LIPG: variants seen among roughly 807,000 people sequenced by gnomAD.
LIPG encodes the protein endothelial lipase.
Under a neutral mutation model 51.8 loss-of-function variants are expected in LIPG, and 34 were observed. The observed-to-expected ratio is 0.66, with a 90% CI of 0.50 to 0.87. LIPG has a LOEUF of 0.87. Among genes scored for constraint, LIPG ranks in the 40% least tolerant of loss-of-function variants. The pLI is 0.00. For missense variants in LIPG, 580 were observed against 652.7 expected (o/e 0.89, Z 1.21); for synonymous variants, 246 against 246.1 (o/e 1.00, Z 0.00).
At position 49,581,494 on chromosome 18, in the gene LIPG, G is replaced by T; in HGVS notation, c.873G>T (p.Pro291=). Residue 291 remains proline (P), a synonymous_variant, in exon 6 of 10, where the codon CCG becomes CCT. Coordinates refer to ENST00000261292, the MANE Select transcript of LIPG (RefSeq NM_006033.4). ...ACTCTCTGGTGAATCAGGACAAGCC[G>T]AGTTTTGCCTTCCAGTGCACTGACT... is the stretch of plus-strand genomic sequence containing the variant. ...FVDSLVNQDK[P]SFAFQCTDSN... 1 of 1,614,184 alleles carries T rather than the reference G, an allele frequency of 6.2e-7. No homozygotes were observed. The highest frequency in any genetic ancestry group is 8.5e-7 in the Non-Finnish European group (1 of 1,180,038).
At chr18:49,565,893 G>A (rs1168355472) in intron 2 of LIPG, among the ~76,000 whole-genome samples, 1 of 152,194 alleles carries the variant, frequency 6.6e-6, no homozygotes, top group Non-Finnish European at 1.5e-5. Flanking sequence ...GTAGCCAGCT[G>A]GCCTGGATTG....
chr18:49,588,923 G>A (rs1047436043), intron 9 of LIPG, among the ~76,000 whole-genome samples: 1 of 152,072 alleles, frequency 6.6e-6, no homozygotes, highest in Non-Finnish European at 1.5e-5. Context: ...CTGCACCCAG[G>A]GACTTACATA....
At chr18:49,561,526 G>C (rs992852100), upstream of LIPG, 1 of 478,064 alleles carries the variant, frequency 2.1e-6, no homozygotes, top group East Asian at 3.5e-5. Flanking sequence ...GTTATTGTGC[G>C]GCCGCGCCTT....
chr18:49,570,596 C>T (rs934353541), intron 4 of LIPG, among the ~76,000 whole-genome samples: 2 of 152,174 alleles, frequency 1.3e-5, no homozygotes, highest in African/African-American at 4.8e-5. Context: ...TTTGGGAGGC[C>T]GAGGTGGGTG....
Position 49,579,764 on chromosome 18 carries a change from C to CTTTCCTTTCT in LIPG, c.794-1647_794-1646insCTTTCTTTTC, listed in dbSNP as rs1194564576. On this transcript the variant is annotated intron_variant, in intron 5 of 9. Transcript: ENST00000261292. ...CCTTTCTTTCCTTTCCTTTCCTTTC[C>CTTTCCTTTCT]TTTCTTTTCTTTTCTTTTCTTTTCT... Among the ~76,000 whole-genome samples, 309 of 112,192 alleles carry CTTTCCTTTCT rather than the reference C, an allele frequency of 2.8e-3. 1 individual carries two copies. The highest frequency in any genetic ancestry group is 7.2e-3 in the East Asian group (30 of 4,178). 73.6% of individuals were successfully genotyped at this position (112,192 alleles called of 152,430 possible). A position where few individuals can be genotyped will look rare whatever the true frequency, so the allele number is the denominator to read the frequency against.
chr18:49,584,648 G>T (rs2084863568), intron 8 of LIPG, among the ~76,000 whole-genome samples: 2 of 152,148 alleles, frequency 1.3e-5, no homozygotes, highest in Admixed American at 6.5e-5. Flanking sequence ...ACACAGCTTG[G>T]CAGCAGAGGG....
Position 49,581,408 on chromosome 18 carries a change from C to A in LIPG, c.794-7C>A. On this transcript the variant is annotated splice_region_variant and splice_polypyrimidine_tract_variant and intron_variant, in intron 5 of 9. Transcript: ENST00000261292. ...TCCTGCATGCTTTTTATCTCTCCCA[C>A]CCCCAGCAATCACAGAGGTGGTAAA... The A allele has an allele frequency of 6.2e-7, 1 of 1,614,194 alleles. No individual in the cohort carries two copies. The highest frequency in any genetic ancestry group is 8.5e-7 in the Non-Finnish European group (1 of 1,180,034).
At chr18:49,583,496 C>A in intron 7 of LIPG, 60 bp from the exon 8 acceptor site, 1 of 1,440,916 alleles carries the variant, frequency 6.9e-7, no homozygotes, top group South Asian at 1.1e-5. Flanking sequence ...TGTCACCCCA[C>A]ACAGTGTGGC....
intron 4 of LIPG, among the ~76,000 whole-genome samples, chr18:49,570,827 TC>T (rs2084653969): frequency 6.6e-6 from 1 of 152,208 alleles, no homozygotes; most frequent in African/African-American, 2.4e-5. Context: ...AGACTCCGTC[TC>T]AAAAAACAAA....
chr18:49,594,549 G>C lies in LIPG; in HGVS notation c.*4027G>C. On this transcript the variant is annotated 3_prime_UTR_variant, in exon 10 of 10. Transcript: ENST00000261292. ...CTTGCCATCCGTTTATCAGGAATTA[G>C]TTTTTTCTCTGCTAAAGCCAGCGAG... 6.6e-6 allele frequency: 1 copy of C among 152,312 alleles called. No individual in the cohort carries two copies. Among genetic ancestry groups the C allele is most frequent in the Middle Eastern group, 3.4e-3 (1 of 294 alleles). The allele number at this position is 152,312 out of a possible 1,614,324, so 9.4% of individuals were successfully genotyped here. A position where few individuals can be genotyped will look rare whatever the true frequency, so the allele number is the denominator to read the frequency against.
Position 49,590,173 on chromosome 18 carries a change from TTGTGTGTGTGTG to T in LIPG, c.1482-304_1482-293del, listed in dbSNP as rs57137391. The T allele has an allele frequency of 1.6e-4, 58 of 371,966 alleles. No homozygotes were observed. In the Middle Eastern group the frequency reaches 3.4e-3, roughly 22 times the overall value. 23.0% of individuals were successfully genotyped at this position (371,966 alleles called of 1,614,324 possible). A position where few individuals can be genotyped will look rare whatever the true frequency, so the allele number is the denominator to read the frequency against. On this transcript the variant is annotated intron_variant, in intron 9 of 9. Coordinates refer to ENST00000261292, the MANE Select transcript of LIPG (RefSeq NM_006033.4). Reference sequence around the variant, plus strand: ...TCTCCCCACACTTGTGTGTCCATGATTGTGTGTGTGTGTGTGTGTGTGTGTGTGTGTGTGTAT... The same window carrying T: ...TCTCCCCACACTTGTGTGTCCATGATTGTGTGTGTGTGTGTGTGTGTGTAT...
intron 9 of LIPG, chr18:49,590,083 C>G (rs35844272): frequency 3.1e-5 from 10 of 320,528 alleles, no homozygotes; most frequent in East Asian, 1.6e-4. Flanking sequence ...AGTCTTGCCC[C>G]CTTTCTGCCA....
In LIPG at chr18:49,567,633, T is replaced by C; in HGVS notation, c.459+12T>C. 1 of 1,613,270 alleles carries C rather than the reference T, an allele frequency of 6.2e-7. No individual in the cohort carries two copies. Among genetic ancestry groups the C allele is most frequent in the South Asian group, 1.1e-5 (1 of 91,036 alleles). ...TCGACTGGCTGCAGGTACTGGGGGA[T>C]GAGAGGGAGTCTCCTGTCACCAGCA... On this transcript the variant is annotated intron_variant, in intron 3 of 9. Coordinates refer to ENST00000261292, the MANE Select transcript of LIPG (RefSeq NM_006033.4).
chr18:49,574,220 T>C (rs1001559114), intron 4 of LIPG, among the ~76,000 whole-genome samples: 4 of 152,184 alleles, frequency 2.6e-5, no homozygotes, highest in African/African-American at 9.7e-5. Flanking sequence ...TTGGTAATAG[T>C]AGCTAATACT....
chr18:49,569,412 C>A, intron 3 of LIPG, 25 bp from the exon 4 acceptor site: 1 of 1,595,966 alleles, frequency 6.3e-7, no homozygotes, highest in South Asian at 1.1e-5. Flanking sequence ...CTCTTCTGCT[C>A]ACATACTTTG....
intron 1 of LIPG, among the ~76,000 whole-genome samples, chr18:49,563,015 C>A (rs2084568035): frequency 1.3e-5 from 2 of 152,172 alleles, no homozygotes. Flanking sequence ...CTCCTCCTGG[C>A]TTTTAGCTTC....
chr18:49,590,879 G>C lies in LIPG; in HGVS notation c.*357G>C, dbSNP rs1260683506. ...GTACTCTGCCTGACGAGGAACGCTG[G>C]CTCCGAAGAGGCCCTGTGTAGAAGG... On this transcript the variant is annotated 3_prime_UTR_variant, in exon 10 of 10. Transcript: ENST00000261292. The C allele has an allele frequency of 2.7e-6, 1 of 374,416 alleles. No homozygotes were observed. Among genetic ancestry groups the C allele is most frequent in the Non-Finnish European group, 5.1e-6 (1 of 196,292 alleles). 23.2% of individuals were successfully genotyped at this position (374,416 alleles called of 1,614,324 possible).
Position 49,575,511 on chromosome 18 carries a change from C to T in LIPG, c.714C>T (p.His238=). The T allele has an allele frequency of 6.2e-7, 1 of 1,614,224 alleles. No homozygotes were observed. The highest frequency in any genetic ancestry group is 8.5e-7 in the Non-Finnish European group (1 of 1,180,046). The stretch of plus-strand genomic sequence containing the variant: ...TTGGTATTCAGATGCCTGTGGGCCA[C>T]ATTGACATCTACCCCAATGGGGGTG... ...LSIGIQMPVG[H]IDIYPNGGDF... Residue 238 remains histidine (H), a synonymous_variant, in exon 5 of 10, where the codon CAC becomes CAT. Coordinates refer to ENST00000261292, the MANE Select transcript of LIPG (RefSeq NM_006033.4).
chr18:49,562,440 T>C (rs958346449), intron 1 of LIPG, 35 bp downstream of exon 1: 65 of 1,552,722 alleles, frequency 4.2e-5, no homozygotes, highest in Non-Finnish European at 5.7e-5. Context: ...CCCCAGCCAC[T>C]TCTCTGTGCT....
Sources: allele counts gnomAD v4.1 joint callset (sites outside exome capture counted in the v4.1 genomes callset), GRCh38; gene constraint gnomAD v4.1.1; transcripts MANE v1.5; gene names NCBI Gene and HGNC (gene_info 2026-07-23, HGNC 2026-07-21).